CHRM3: variants seen among roughly 807,000 people sequenced by gnomAD.
CHRM3 encodes the protein cholinergic receptor muscarinic 3.
Under a neutral mutation model 41.8 loss-of-function variants are expected in CHRM3, and 11 were observed. The ratio of observed to expected loss-of-function variants is 0.26; its 90% CI spans 0.17 to 0.44. The LOEUF (loss-of-function observed/expected upper bound fraction) is 0.44. Ranked by LOEUF, CHRM3 falls within the 20% of genes least tolerant of loss-of-function variation. The pLI, the probability that CHRM3 is intolerant of heterozygous loss-of-function variation, is 1.00. For missense variants in CHRM3, 571 were observed against 745.4 expected (o/e 0.77, Z 2.72); for synonymous variants, 297 against 301.4 (o/e 0.99, Z 0.15).
chr1:239,542,194 A>G (rs1281407184), intron 2 of CHRM3, among the ~76,000 whole-genome samples: 1 of 152,184 alleles, frequency 6.6e-6, no homozygotes, highest in Non-Finnish European at 1.5e-5. Flanking sequence ...ATAATAATAC[A>G]ATATTATTAT....
intron 3 of CHRM3, among the ~76,000 whole-genome samples, chr1:239,556,191 G>C (rs913829761): frequency 6.6e-6 from 1 of 151,956 alleles, no homozygotes; most frequent in Non-Finnish European, 1.5e-5. Flanking sequence ...TTACTGTTAG[G>C]TTCTCTGAAT....
chr1:239,600,840 A>G (rs1665441445), intron 3 of CHRM3, among the ~76,000 whole-genome samples: 1 of 136,990 alleles, frequency 7.3e-6, no homozygotes, highest in Non-Finnish European at 1.6e-5. Flanking sequence ...TTCACATTGC[A>G]TGCATTCTTT....
chr1:239,594,803 A>C (rs1467564076), intron 3 of CHRM3, among the ~76,000 whole-genome samples: 2 of 152,196 alleles, frequency 1.3e-5, no homozygotes, highest in African/African-American at 4.8e-5. Context: ...AAAAAATTGT[A>C]TCAGGCCTAG....
chr1:239,424,760 A>T lies in CHRM3; in HGVS notation c.-521+37533A>T, dbSNP rs567372441. ...AATGGCCTAAAAGAAGGCTGTGGGG[A>T]TGGAGGGGTACAGTGCTGGGATGTT... is the stretch of plus-strand genomic sequence containing the variant. On this transcript the variant is annotated intron_variant, in intron 1 of 6. Coordinates refer to ENST00000676153, the MANE Select transcript of CHRM3 (RefSeq NM_001375978.1). 4.6e-5 allele frequency among the ~76,000 whole-genome samples: 7 copies of T among 152,260 alleles called. No individual in the cohort carries two copies. The East Asian group carries it at 1.2e-3, about 25-fold the overall frequency.
chr1:239,419,691 G>A (rs993432483), intron 1 of CHRM3, among the ~76,000 whole-genome samples: 2 of 152,060 alleles, frequency 1.3e-5, no homozygotes, highest in African/African-American at 4.8e-5. Flanking sequence ...AAAATGAAAT[G>A]GTAACAATGC....
At position 239,480,439 on chromosome 1, in the gene CHRM3, T is replaced by G. The variant is rs560756355; in HGVS notation, c.-520-12270T>G. 3.7e-3 allele frequency among the ~76,000 whole-genome samples: 557 copies of G among 152,110 alleles called. 1 individual carries two copies. Among genetic ancestry groups the G allele is most frequent in the Non-Finnish European group, 5.8e-3 (392 of 68,016 alleles). On this transcript the variant is annotated intron_variant, in intron 1 of 6. Coordinates refer to ENST00000676153, the MANE Select transcript of CHRM3 (RefSeq NM_001375978.1). Reference sequence around the variant, plus strand: ...GTATCTTATGTAATACTTAATGAAGTCCTGGAAAAATAAGAGATACCATTT... The same window carrying G: ...GTATCTTATGTAATACTTAATGAAGGCCTGGAAAAATAAGAGATACCATTT...
intron 2 of CHRM3, among the ~76,000 whole-genome samples, chr1:239,500,671 T>C (rs3120933): frequency 0.94 from 142,979 of 151,576 alleles, 67,986 homozygotes; most frequent in Non-Finnish European, 1. Flanking sequence ...GACACAGAAC[T>C]TATAAAACAA....
intron 5 of CHRM3, among the ~76,000 whole-genome samples, chr1:239,795,516 T>C (rs1669696020): frequency 6.6e-6 from 1 of 152,202 alleles, no homozygotes; most frequent in African/African-American, 2.4e-5. Flanking sequence ...TCCTCCACTG[T>C]GTGGAAGTTG....
At chr1:239,725,186 T>C (rs540952092) in intron 5 of CHRM3, among the ~76,000 whole-genome samples, 2 of 152,034 alleles carry the variant, frequency 1.3e-5, no homozygotes, top group South Asian at 2.1e-4. Flanking sequence ...GTATTTTTCT[T>C]TGTTTTGGTA....
At chr1:239,750,737 G>A (rs1665739441) in intron 5 of CHRM3, among the ~76,000 whole-genome samples, 1 of 152,112 alleles carries the variant, frequency 6.6e-6, no homozygotes, top group Admixed American at 6.6e-5. Context: ...CATTTTCTGT[G>A]CCTCACTTTC....
At chr1:239,547,374 G>A (rs1659394741) in intron 3 of CHRM3, among the ~76,000 whole-genome samples, 1 of 152,156 alleles carries the variant, frequency 6.6e-6, no homozygotes. Context: ...TAGGCTTGTT[G>A]TATGGATTAC....
intron 2 of CHRM3, among the ~76,000 whole-genome samples, chr1:239,493,968 T>G (rs554694807): frequency 1.3e-5 from 2 of 152,236 alleles, no homozygotes; most frequent in Non-Finnish European, 2.9e-5. Flanking sequence ...TTATTGAACA[T>G]TACTACTCCT....
Position 239,387,084 on chromosome 1 carries a change from CG to C in CHRM3, c.-661del, listed in dbSNP as rs1658569284. On this transcript the variant is annotated 5_prime_UTR_variant, in exon 1 of 7. Coordinates refer to ENST00000676153, the MANE Select transcript of CHRM3 (RefSeq NM_001375978.1). The surrounding 1 kb of genome is among the most constrained non-coding windows in gnomAD (Gnocchi z 5.1). ...CGGGCGATGAACTGAAGGGCGGCTC[CG>C]GGCAGGGGGGCACGATCTTAAGGAC... is the stretch of plus-strand genomic sequence containing the variant. 1 of 152,158 alleles carries C rather than the reference CG, an allele frequency of 6.6e-6. No individual in the cohort carries two copies. Among genetic ancestry groups the C allele is most frequent in the Non-Finnish European group, 1.5e-5 (1 of 68,106 alleles). The allele number at this position is 152,158 out of a possible 1,614,324, so 9.4% of individuals were successfully genotyped here. A position where few individuals can be genotyped will look rare whatever the true frequency, so the allele number is the denominator to read the frequency against.
At chr1:239,842,314 C>A (rs200668353) in intron 6 of CHRM3, among the ~76,000 whole-genome samples, 4 of 151,668 alleles carry the variant, frequency 2.6e-5, no homozygotes, top group Admixed American at 2.6e-4. Flanking sequence ...CTCCACCTCT[C>A]GGACTCCGCC....
intron 5 of CHRM3, among the ~76,000 whole-genome samples, chr1:239,749,139 C>CTA (rs1304001561): frequency 6.6e-6 from 1 of 152,198 alleles, no homozygotes; most frequent in African/African-American, 2.4e-5. Flanking sequence ...AGGTTAGGCA[C>CTA]TATTCGTCAA....
chr1:239,669,840 A>AAT (rs1180798786), intron 4 of CHRM3, among the ~76,000 whole-genome samples: 7 of 152,206 alleles, frequency 4.6e-5, no homozygotes, highest in Admixed American at 3.3e-4. Context: ...TCAACCCACT[A>AAT]TACCCATCTT....
At chr1:239,481,945 A>G (rs1300025078) in intron 1 of CHRM3, among the ~76,000 whole-genome samples, 1 of 152,178 alleles carries the variant, frequency 6.6e-6, no homozygotes, top group African/African-American at 2.4e-5. Context: ...TTCAAACATA[A>G]CATAGCTTCA....
chr1:239,845,936 A>G (rs1476561844), intron 6 of CHRM3, among the ~76,000 whole-genome samples: 1 of 152,242 alleles, frequency 6.6e-6, no homozygotes, highest in African/African-American at 2.4e-5. Flanking sequence ...TATTGATTTT[A>G]TAAAATAAAA....
intron 1 of CHRM3, among the ~76,000 whole-genome samples, chr1:239,440,900 G>A (rs1257243662): frequency 1.3e-5 from 2 of 152,100 alleles, no homozygotes. Context: ...TCCATAAACA[G>A]TTTGGTCTTC....
Sources: allele counts gnomAD v4.1 joint callset (sites outside exome capture counted in the v4.1 genomes callset), GRCh38; gene constraint gnomAD v4.1.1; non-coding constraint Gnocchi (gnomAD v3.1); transcripts MANE v1.5; gene names NCBI Gene and HGNC (gene_info 2026-07-23, HGNC 2026-07-21).